Variants in ADK observed in about 807,000 individuals in gnomAD.
ADK encodes adenosine kinase.
ADK carries 24 observed loss-of-function variants against 44.7 expected under a neutral mutation model. The observed-to-expected ratio is 0.54, with a 90% CI of 0.39 to 0.76. The LOEUF is 0.76. Ranked by LOEUF, ADK falls within the 30% of genes least tolerant of loss-of-function variation. The pLI is 0.00. For synonymous variants in ADK, 128 were observed against 142.6 expected, an observed-to-expected ratio of 0.90 and a Z score of 0.73; for missense variants, 321 against 425.1, an observed-to-expected ratio of 0.76 and a Z score of 2.15.
intron 4 of ADK, among the ~76,000 whole-genome samples, chr10:74,335,125 G>T (rs538554280): frequency 6.6e-6 from 1 of 152,258 alleles, no homozygotes; most frequent in East Asian, 1.9e-4. Flanking sequence ...CATTTGTGCT[G>T]GTCTACCTGC....
At chr10:74,553,559 C>G (rs1850126559) in intron 7 of ADK, among the ~76,000 whole-genome samples, 2 of 152,218 alleles carry the variant, frequency 1.3e-5, no homozygotes, top group South Asian at 4.1e-4. Flanking sequence ...CTACTACCCC[C>G]AACTACATGG....
At chr10:74,206,524 T>C (rs1230318395) in intron 2 of ADK, among the ~76,000 whole-genome samples, 1 of 152,184 alleles carries the variant, frequency 6.6e-6, no homozygotes, top group African/African-American at 2.4e-5. Flanking sequence ...AATTACCTTC[T>C]TGGAGCAATG....
intron 3 of ADK, among the ~76,000 whole-genome samples, chr10:74,302,920 T>G (rs1223124028): frequency 6.6e-6 from 1 of 152,206 alleles, no homozygotes; most frequent in Non-Finnish European, 1.5e-5. Flanking sequence ...TTATTTTAAA[T>G]TCTGTGGGAA....
chr10:74,159,520 A>G (rs1841835332), intron 1 of ADK, among the ~76,000 whole-genome samples: 1 of 152,162 alleles, frequency 6.6e-6, no homozygotes, highest in African/African-American at 2.4e-5. Context: ...CTTAGGCTAG[A>G]CTTTGGTTCA....
At chr10:74,247,999 G>A (rs757816648) in intron 3 of ADK, among the ~76,000 whole-genome samples, 21 of 152,104 alleles carry the variant, frequency 1.4e-4, no homozygotes, top group Admixed American at 2.0e-4. Context: ...TATTTCTCAG[G>A]TTGAGCCTCA....
chr10:74,575,231 A>G (rs561206930), intron 7 of ADK, among the ~76,000 whole-genome samples: 1 of 152,300 alleles, frequency 6.6e-6, no homozygotes, highest in Admixed American at 6.5e-5. Context: ...TATTCTTTGC[A>G]GAGTAGTATG....
chr10:74,302,031 T>A (rs761846954), intron 3 of ADK, among the ~76,000 whole-genome samples: 2 of 151,540 alleles, frequency 1.3e-5, no homozygotes, highest in Non-Finnish European at 2.9e-5. Flanking sequence ...GACTTTGGAA[T>A]TCAGGGCTTT....
intron 4 of ADK, among the ~76,000 whole-genome samples, chr10:74,348,000 A>G (rs1378581381): frequency 6.6e-6 from 1 of 152,182 alleles, no homozygotes; most frequent in Non-Finnish European, 1.5e-5. Context: ...TTCAGAGGAC[A>G]TAAACTTTCC....
intron 3 of ADK, among the ~76,000 whole-genome samples, chr10:74,226,717 G>C (rs993574606): frequency 6.6e-6 from 1 of 151,438 alleles, no homozygotes; most frequent in Non-Finnish European, 1.5e-5. Context: ...TTTGTATAAG[G>C]CTTCTGTCAC....
chr10:74,160,025 C>T (rs1841847723), intron 1 of ADK, among the ~76,000 whole-genome samples: 1 of 152,196 alleles, frequency 6.6e-6, no homozygotes, highest in Non-Finnish European at 1.5e-5. Context: ...GCCAAAATCT[C>T]ATGAGTCCAA....
At chr10:74,695,498 A>C (rs866471198) in intron 10 of ADK, among the ~76,000 whole-genome samples, 18 of 124,508 alleles carry the variant, frequency 1.4e-4, no homozygotes, top group African/African-American at 5.7e-4. Context: ...GTGTGTGTGT[A>C]TGTGTGTATG....
intron 3 of ADK, among the ~76,000 whole-genome samples, chr10:74,233,522 T>G (rs769729370): frequency 2.6e-5 from 4 of 152,216 alleles, no homozygotes; most frequent in Non-Finnish European, 5.9e-5. Context: ...GGCTACTGCT[T>G]CAATTGCATC....
At chr10:74,683,265 A>T (rs1379614742) in intron 10 of ADK, among the ~76,000 whole-genome samples, 1 of 152,012 alleles carries the variant, frequency 6.6e-6, no homozygotes, top group East Asian at 1.9e-4. Context: ...AGCTATACCC[A>T]CTCTGGAGGC....
chr10:74,679,721 G>A (rs1855530453), intron 10 of ADK, among the ~76,000 whole-genome samples: 1 of 152,038 alleles, frequency 6.6e-6, no homozygotes, highest in South Asian at 2.1e-4. Flanking sequence ...CAGCACTTTG[G>A]GAGGCTGAGA....
At position 74,394,130 on chromosome 10, in the gene ADK, C is replaced by G. The variant is rs1278603661; in HGVS notation, c.274-11C>G. Reference sequence around the variant, plus strand: ...TTGCCCCATTAAATTATTTATGTTCCTGTTTTACAGTGGATGATTCAACAG... The same window carrying G: ...TTGCCCCATTAAATTATTTATGTTCGTGTTTTACAGTGGATGATTCAACAG... On this transcript the variant is annotated splice_polypyrimidine_tract_variant and intron_variant, in intron 4 of 10. Transcript: ENST00000539909. The G allele has an allele frequency of 6.2e-7, 1 of 1,613,704 alleles. No individual in the cohort carries two copies. The highest frequency in any genetic ancestry group is 1.3e-5 in the African/African-American group (1 of 74,882).
At chr10:74,177,191 G>A (rs111624113) in intron 1 of ADK, among the ~76,000 whole-genome samples, 17 of 151,222 alleles carry the variant, frequency 1.1e-4, no homozygotes, top group Non-Finnish European at 2.1e-4. Flanking sequence ...TGCCCCACCC[G>A]CGCCCCCGGG....
intron 6 of ADK, among the ~76,000 whole-genome samples, chr10:74,491,646 T>C (rs972937700): frequency 1.3e-5 from 2 of 152,212 alleles, no homozygotes; most frequent in Non-Finnish European, 2.9e-5. Flanking sequence ...AGCAGCTAAA[T>C]TTTGTTATAT....
chr10:74,212,840 G>T (rs113443434), intron 2 of ADK, among the ~76,000 whole-genome samples: 1 of 7,718 alleles, frequency 1.3e-4, no homozygotes, highest in Non-Finnish European at 2.2e-4. Flanking sequence ...GGAAGAGAGT[G>T]CAGTAATACT....
chr10:74,518,576 AC>A (rs1387064758), intron 6 of ADK, among the ~76,000 whole-genome samples: 1 of 152,200 alleles, frequency 6.6e-6, no homozygotes, highest in Non-Finnish European at 1.5e-5. Flanking sequence ...ATACACCAAA[AC>A]TAAAAATGGT....
Sources: gnomAD v4.1 joint callset for allele counts (sites outside exome capture counted in the v4.1 genomes callset) on GRCh38, gnomAD v4.1.1 for gene constraint, MANE v1.5 for transcripts, NCBI Gene and HGNC (gene_info 2026-07-23, HGNC 2026-07-21) for gene names.